GLRX3: variants seen among roughly 807,000 people sequenced by gnomAD.
GLRX3 encodes glutaredoxin-3.
GLRX3 carries 22 observed loss-of-function variants against 49.5 expected under a neutral mutation model. The ratio of observed to expected loss-of-function variants is 0.44; its 90% CI spans 0.32 to 0.63. The LOEUF is 0.63. GLRX3 is among the 30% of genes least tolerant of loss of function. The pLI is 0.05. For missense variants in GLRX3, 385 were observed against 396.3 expected (o/e 0.97, Z 0.24); for synonymous variants, 133 against 140.0 (o/e 0.95, Z 0.35).
intron 10 of GLRX3, 68 bp downstream of exon 10, chr10:130,175,157 A>G: frequency 1.1e-6 from 1 of 891,524 alleles, no homozygotes. Context: ...ATGATTTCAT[A>G]TTGAATGGAA....
chr10:130,163,004 T>G (rs893996835), intron 4 of GLRX3, among the ~76,000 whole-genome samples: 1 of 152,240 alleles, frequency 6.6e-6, no homozygotes, highest in Non-Finnish European at 1.5e-5. Flanking sequence ...CCTTTTACTT[T>G]ATTAAACTGA....
At chr10:130,158,642 A>T (rs1862521802) in intron 2 of GLRX3, among the ~76,000 whole-genome samples, 1 of 152,202 alleles carries the variant, frequency 6.6e-6, no homozygotes, top group South Asian at 2.1e-4. Flanking sequence ...TAGTGTAGGC[A>T]TGCCCTAGTC....
chr10:130,163,689 G>T (rs1282816069), intron 4 of GLRX3, among the ~76,000 whole-genome samples: 1 of 152,004 alleles, frequency 6.6e-6, no homozygotes, highest in Non-Finnish European at 1.5e-5. Context: ...AGGATTAATT[G>T]GAAAATATTT....
chr10:130,159,780 A>G (rs1337106073), intron 2 of GLRX3: 1 of 1,290,676 alleles, frequency 7.7e-7, no homozygotes, highest in African/African-American at 1.5e-5. Context: ...CAACAAAATA[A>G]AAACCTCTGA....
intron 7 of GLRX3, 65 bp downstream of exon 7, chr10:130,169,555 C>T (rs1198750080): frequency 2.9e-5 from 30 of 1,017,102 alleles, no homozygotes. Context: ...AACAAGGGGA[C>T]AGTTAAATCT....
intron 1 of GLRX3, among the ~76,000 whole-genome samples, chr10:130,136,738 G>A (rs942453359): frequency 6.6e-6 from 1 of 152,150 alleles, no homozygotes; most frequent in East Asian, 1.9e-4. Context: ...CGCGAGGCTC[G>A]CCTGGAAGCC....
intron 2 of GLRX3, among the ~76,000 whole-genome samples, chr10:130,155,581 T>C (rs1862456632): frequency 1.3e-5 from 2 of 152,166 alleles, no homozygotes; most frequent in Admixed American, 1.3e-4. Context: ...TTTTAGGAAC[T>C]GGATGGATTT....
chr10:130,154,351 A>G (rs1052168591), intron 2 of GLRX3, among the ~76,000 whole-genome samples: 5 of 152,058 alleles, frequency 3.3e-5, no homozygotes, highest in Non-Finnish European at 7.4e-5. Flanking sequence ...CCACTGTCCA[A>G]CCAGTCCCAA....
chr10:130,164,874 G>A (rs947339954), intron 4 of GLRX3, among the ~76,000 whole-genome samples: 2 of 152,348 alleles, frequency 1.3e-5, no homozygotes, highest in Admixed American at 6.5e-5. Flanking sequence ...TCAGCCGTTA[G>A]CTGTTTACTA....
intron 10 of GLRX3, among the ~76,000 whole-genome samples, chr10:130,175,712 C>T (rs1191808079): frequency 6.6e-6 from 1 of 152,222 alleles, no homozygotes; most frequent in Non-Finnish European, 1.5e-5. Flanking sequence ...ATGGACGTTA[C>T]TTTGCATGTA....
At chr10:130,163,245 C>T (rs998281478) in intron 4 of GLRX3, among the ~76,000 whole-genome samples, 6 of 151,626 alleles carry the variant, frequency 4.0e-5, no homozygotes, top group East Asian at 2.0e-4. Flanking sequence ...GCCAACATGG[C>T]GAAACCCCGT....
rs1862985123 is a variant in GLRX3 at position 130,179,440 on chromosome 10, A to C, written c.*48A>C. ...ACTATTGTAAGAAATATTTAATTAC[A>C]TTGGGAGCAGTTCATGATTTAGTCC... On this transcript the variant is annotated 3_prime_UTR_variant, in exon 11 of 11. Transcript: ENST00000331244. 1.0e-6 allele frequency: 1 copy of C among 1,004,278 alleles called. No individual in the cohort carries two copies. The highest frequency in any genetic ancestry group is 1.6e-6 in the Non-Finnish European group (1 of 645,158). 62.2% of individuals were successfully genotyped at this position (1,004,278 alleles called of 1,614,324 possible). A position where few individuals can be genotyped will look rare whatever the true frequency, so the allele number is the denominator to read the frequency against.
intron 10 of GLRX3, 80 bp from the exon 11 acceptor site, chr10:130,179,262 A>G (rs1159820485): frequency 5.6e-6 from 4 of 713,076 alleles, no homozygotes; most frequent in Non-Finnish European, 9.7e-6. Context: ...TCAGATATAC[A>G]TACAAGCTGT....
intron 1 of GLRX3, among the ~76,000 whole-genome samples, chr10:130,138,847 GTTTTTTT>G (rs61152449): frequency 3.2e-5 from 3 of 95,032 alleles, no homozygotes; most frequent in African/African-American, 4.3e-5. Flanking sequence ...GAATAAAAGT[GTTTTTTT>G]TTTTTTTTTT....
chr10:130,173,097 T>A (rs1862845476), intron 8 of GLRX3, among the ~76,000 whole-genome samples: 1 of 152,166 alleles, frequency 6.6e-6, no homozygotes, highest in African/African-American at 2.4e-5. Context: ...CATTTTTGAT[T>A]TTCCCCTTTC....
intron 1 of GLRX3, among the ~76,000 whole-genome samples, chr10:130,137,733 CTT>C (rs1280000015): frequency 1.3e-5 from 2 of 151,992 alleles, no homozygotes; most frequent in East Asian, 3.9e-4. Flanking sequence ...AGGCAAAAAG[CTT>C]TGTTTTGTTT....
intron 1 of GLRX3, among the ~76,000 whole-genome samples, chr10:130,144,064 A>G (rs751577040): frequency 3.9e-5 from 6 of 152,286 alleles, no homozygotes; most frequent in Admixed American, 1.3e-4. Context: ...AAGCAGTTCT[A>G]TTCTTTTCCT....
At chr10:130,143,266 T>A (rs567277338) in intron 1 of GLRX3, among the ~76,000 whole-genome samples, 1 of 152,360 alleles carries the variant, frequency 6.6e-6, no homozygotes, top group East Asian at 1.9e-4. Context: ...CTGGTATTAT[T>A]TGATCAGTTT....
At chr10:130,156,078 C>G (rs532733378) in intron 2 of GLRX3, among the ~76,000 whole-genome samples, 1 of 152,294 alleles carries the variant, frequency 6.6e-6, no homozygotes, top group Admixed American at 6.5e-5. Context: ...TGTAATTGTC[C>G]TAGTCCATTT....
Sources: allele counts gnomAD v4.1 joint callset (sites outside exome capture counted in the v4.1 genomes callset), GRCh38; gene constraint gnomAD v4.1.1; transcripts MANE v1.5; gene names NCBI Gene and HGNC (gene_info 2026-07-23, HGNC 2026-07-21).